The following TRABD2B variants were observed in gnomAD, a reference collection of about 807,000 sequenced individuals.
TRABD2B encodes metalloprotease TIKI2.
TRABD2B carries 14 observed loss-of-function variants against 40.1 expected under a neutral mutation model. That is an observed-to-expected ratio of 0.35 (90% CI 0.23 to 0.55). The LOEUF is 0.55. TRABD2B is among the 20% of genes least tolerant of loss of function. The pLI is 0.90. For missense variants in TRABD2B, 541 were observed against 648.6 expected (o/e 0.83, Z 1.80); for synonymous variants, 263 against 277.0 (o/e 0.95, Z 0.50).
At chr1:47,825,119 A>T (rs1194094206) in intron 2 of TRABD2B, among the ~76,000 whole-genome samples, 1 of 152,140 alleles carries the variant, frequency 6.6e-6, no homozygotes, top group Admixed American at 6.5e-5. Flanking sequence ...TGTTTCACAG[A>T]ACAACATGAG....
intron 2 of TRABD2B, among the ~76,000 whole-genome samples, chr1:47,871,437 A>G (rs1007102743): frequency 1.3e-5 from 2 of 152,060 alleles, no homozygotes; most frequent in African/African-American, 2.4e-5. Context: ...TCAAAAACAA[A>G]CCAGCCCCCA....
chr1:47,890,326 T>C (rs1433917134), intron 2 of TRABD2B, among the ~76,000 whole-genome samples: 1 of 152,092 alleles, frequency 6.6e-6, no homozygotes, highest in African/African-American at 2.4e-5. Flanking sequence ...CTGCCCCAGT[T>C]AGTAGCAATG....
intron 2 of TRABD2B, among the ~76,000 whole-genome samples, chr1:47,872,348 T>G (rs1644155439): frequency 6.6e-6 from 1 of 152,066 alleles, no homozygotes; most frequent in Non-Finnish European, 1.5e-5. Context: ...TTCCTTAACC[T>G]CATAGACCTC....
At chr1:47,837,106 C>G (rs1374681729) in intron 2 of TRABD2B, among the ~76,000 whole-genome samples, 1 of 152,168 alleles carries the variant, frequency 6.6e-6, no homozygotes, top group Non-Finnish European at 1.5e-5. Flanking sequence ...AGCCTAAAAT[C>G]CTGTGAAAGT....
intron 2 of TRABD2B, among the ~76,000 whole-genome samples, chr1:47,877,936 G>T (rs1644247407): frequency 6.6e-6 from 1 of 151,644 alleles, no homozygotes; most frequent in Non-Finnish European, 1.5e-5. Flanking sequence ...AGAAGTTGCA[G>T]TGAGCCCAAG....
chr1:47,923,580 C>T (rs1644929545), intron 2 of TRABD2B, among the ~76,000 whole-genome samples: 1 of 152,122 alleles, frequency 6.6e-6, no homozygotes, highest in Non-Finnish European at 1.5e-5. Context: ...CTTGGCTGGG[C>T]CATGGTATCC....
At chr1:47,979,181 G>A (rs1323488431) in intron 2 of TRABD2B, among the ~76,000 whole-genome samples, 1 of 151,146 alleles carries the variant, frequency 6.6e-6, no homozygotes, top group East Asian at 1.9e-4. Context: ...TAGAAATGTG[G>A]GAACAATGCG....
At chr1:47,821,046 T>G (rs1365966609) in intron 2 of TRABD2B, among the ~76,000 whole-genome samples, 1 of 152,078 alleles carries the variant, frequency 6.6e-6, no homozygotes, top group Non-Finnish European at 1.5e-5. Flanking sequence ...CCTGTCTGGG[T>G]TCCCCTCCCC....
At chr1:47,854,016 C>A (rs1039159847) in intron 2 of TRABD2B, among the ~76,000 whole-genome samples, 4 of 152,208 alleles carry the variant, frequency 2.6e-5, no homozygotes, top group Admixed American at 2.0e-4. Flanking sequence ...CCTTCTCCCA[C>A]TAGCCTCATT....
At chr1:47,866,328 A>G (rs1276335561) in intron 2 of TRABD2B, among the ~76,000 whole-genome samples, 1 of 152,152 alleles carries the variant, frequency 6.6e-6, no homozygotes, top group Non-Finnish European at 1.5e-5. Flanking sequence ...GTCAAGAGCA[A>G]AAAGCAAATT....
chr1:47,896,131 C>CT (rs1314980425), intron 2 of TRABD2B, among the ~76,000 whole-genome samples: 5 of 152,344 alleles, frequency 3.3e-5, no homozygotes, highest in Admixed American at 3.3e-4. Flanking sequence ...AACAAGCTAT[C>CT]TTTATGAAAT....
intron 2 of TRABD2B, chr1:47,819,815 C>G (rs1168123649): frequency 3.3e-5 from 5 of 152,144 alleles, no homozygotes; most frequent in African/African-American, 9.7e-5. Context: ...TCTGGGGAAA[C>G]AAGAGTGGAA....
chr1:47,815,171 G>T (rs1645014367), intron 2 of TRABD2B, among the ~76,000 whole-genome samples: 1 of 152,192 alleles, frequency 6.6e-6, no homozygotes, highest in Non-Finnish European at 1.5e-5. Flanking sequence ...TAGACCCAAG[G>T]CAAAAGAATG....
At chr1:47,820,949 A>T (rs978664501) in intron 2 of TRABD2B, among the ~76,000 whole-genome samples, 3 of 152,156 alleles carry the variant, frequency 2.0e-5, no homozygotes, top group African/African-American at 7.2e-5. Flanking sequence ...GGAAGTTCTG[A>T]CCTCAAAGAG....
chr1:47,867,764 A>T (rs535004393), intron 2 of TRABD2B, among the ~76,000 whole-genome samples: 3 of 152,346 alleles, frequency 2.0e-5, no homozygotes, highest in African/African-American at 7.2e-5. Context: ...AATACGTGGG[A>T]AACAATGAGA....
intron 4 of TRABD2B, among the ~76,000 whole-genome samples, chr1:47,779,807 A>G (rs996209453): frequency 5.9e-5 from 9 of 152,150 alleles, no homozygotes; most frequent in African/African-American, 2.2e-4. Context: ...TCCCTGCACT[A>G]TTCCTCTAAT....
At chr1:47,981,908 G>T (rs1404110352) in intron 2 of TRABD2B, among the ~76,000 whole-genome samples, 2 of 152,186 alleles carry the variant, frequency 1.3e-5, no homozygotes, top group Admixed American at 1.3e-4. Context: ...CTGAGCAGTA[G>T]AGGAAAAGGA....
Position 47,946,204 on chromosome 1 carries a change from TTCAAA to T in TRABD2B, c.666+47825_666+47829del, listed in dbSNP as rs555844043. ...TTCATATATCTTCTTTTGAGAAGTG[TTCAAA>T]TCTTTTGCTTATTTAAAAAATTGTA... On this transcript the variant is annotated intron_variant, in intron 2 of 6. Transcript: ENST00000606738. 9.1e-4 allele frequency among the ~76,000 whole-genome samples: 139 copies of T among 152,372 alleles called. 1 individual carries two copies. The highest frequency in any genetic ancestry group is 1.8e-3 in the Non-Finnish European group (124 of 68,034).
intron 2 of TRABD2B, among the ~76,000 whole-genome samples, chr1:47,992,802 G>C (rs2148463476): frequency 6.6e-6 from 1 of 152,306 alleles, no homozygotes; most frequent in African/African-American, 2.4e-5. Context: ...GTGACTAACT[G>C]CCCCAATACT....
Sources: allele counts gnomAD v4.1 joint callset (sites outside exome capture counted in the v4.1 genomes callset), GRCh38; gene constraint gnomAD v4.1.1; transcripts MANE v1.5; gene names NCBI Gene and HGNC (gene_info 2026-07-23, HGNC 2026-07-21).